ROS1: variants seen among roughly 807,000 people sequenced by gnomAD.
ROS1 encodes the protein ROS proto-oncogene 1, receptor tyrosine kinase, also known as proto-oncogene tyrosine-protein kinase ROS.
A neutral mutation model predicts 273.5 loss-of-function variants in ROS1; 263 were observed. The ratio of observed to expected loss-of-function variants is 0.96; its 90% confidence interval spans 0.87 to 1.06. The LOEUF is 1.06. ROS1 is among the 50% of genes least tolerant of loss of function. The pLI is 0.00. For missense variants in ROS1, 2,833 were observed against 2,751.1 expected (o/e 1.03, Z -0.67); for synonymous variants, 1,008 against 954.1 (o/e 1.06, Z -1.04).
rs1211231315 is a variant in ROS1, at chr6:117,324,393, T to C, written c.5562A>G (p.Thr1854=). Residue 1854 remains threonine, a synonymous_variant, in exon 35 of 44, where the codon ACA becomes ACG. Transcript: ENST00000368507. ...CAACTATAATAGTAAGTATGAAACT[T>C]GTTTCTGGTATCCAAAAATCATCTA... ...LVGDDFWIPE[T]SFILTIIVGI... 2 of 1,488,394 alleles carry C rather than the reference T, an allele frequency of 1.3e-6. No homozygotes were observed. The highest frequency in any genetic ancestry group is 1.9e-6 in the Non-Finnish European group (2 of 1,076,226). The allele number at this position is 1,488,394 out of a possible 1,614,324, so 92.2% of individuals were successfully genotyped here.
intron 43 of ROS1, among the ~76,000 whole-genome samples, chr6:117,300,429 A>G (rs1418617279): frequency 6.6e-6 from 1 of 152,140 alleles, no homozygotes; most frequent in Non-Finnish European, 1.5e-5. Flanking sequence ...AACAGAAAGA[A>G]AAATGCATTC....
rs771605740 is a variant in ROS1, at chr6:117,362,733, A to G, written c.3236T>C (p.Ile1079Thr). 3 of 1,613,666 alleles carry G rather than the reference A, an allele frequency of 1.9e-6. No homozygotes were observed. The highest frequency in any genetic ancestry group is 2.2e-5 in the East Asian group (1 of 44,866). ...HENGVLTKFE[I>T]FYNISNQSIT... ...ACTTTGATTGGATATATTGTAGAAA[A>G]TTTCAAATTTTGTTAACACCCCATT... Residue 1079 changes from isoleucine (I) to threonine (T), a missense_variant, in exon 22 of 44, where the codon ATT becomes ACT. By Grantham distance (89) the Ile-to-Thr change is moderately conservative. Transcript: ENST00000368507.
intron 33 of ROS1, chr6:117,328,635 T>A (rs1158099820): frequency 9.8e-6 from 5 of 509,158 alleles, no homozygotes; most frequent in Non-Finnish European, 2.0e-5. Flanking sequence ...CCTTGGAACT[T>A]CTTAAAAGAT....
intron 18 of ROS1, among the ~76,000 whole-genome samples, chr6:117,372,508 G>T (rs562581944): frequency 6.6e-6 from 1 of 152,154 alleles, no homozygotes; most frequent in Non-Finnish European, 1.5e-5. Flanking sequence ...CGTGGTGAGC[G>T]TTACAGTTCT....
intron 27 of ROS1, among the ~76,000 whole-genome samples, chr6:117,344,893 C>CA (rs1778248692): frequency 6.6e-6 from 1 of 152,144 alleles, no homozygotes; most frequent in Non-Finnish European, 1.5e-5. Flanking sequence ...TAGACCAGTG[C>CA]AGTAGCGCAA....
chr6:117,386,530 G>T (rs926462197), intron 15 of ROS1, among the ~76,000 whole-genome samples: 2 of 152,296 alleles, frequency 1.3e-5, no homozygotes, highest in Middle Eastern at 3.4e-3. Flanking sequence ...AGCAGTTTCT[G>T]CTCCTGTCTT....
chr6:117,364,816 C>T (rs924841177), intron 21 of ROS1, among the ~76,000 whole-genome samples: 9 of 152,174 alleles, frequency 5.9e-5, no homozygotes, highest in African/African-American at 2.2e-4. Flanking sequence ...GCATCTGCAT[C>T]TTCTACATCA....
intron 22 of ROS1, among the ~76,000 whole-genome samples, chr6:117,361,195 A>AT (rs143632057): frequency 1.3e-5 from 2 of 151,474 alleles, no homozygotes; most frequent in African/African-American, 2.4e-5. Context: ...AGTAAAGTTT[A>AT]TTTTTTTTCT....
chr6:117,339,109 G>T (rs188384247), intron 31 of ROS1, among the ~76,000 whole-genome samples: 1 of 152,134 alleles, frequency 6.6e-6, no homozygotes, highest in South Asian at 2.1e-4. Context: ...GATCAAGCTT[G>T]TCCAACTTTC....
At chr6:117,350,193 C>T (rs962823468) in intron 27 of ROS1, among the ~76,000 whole-genome samples, 5 of 152,022 alleles carry the variant, frequency 3.3e-5, no homozygotes, top group African/African-American at 9.7e-5. Flanking sequence ...AACAAATTCT[C>T]TCAATTTTTG....
At chr6:117,407,997 A>G (rs974948105) in intron 5 of ROS1, among the ~76,000 whole-genome samples, 31 of 152,190 alleles carry the variant, frequency 2.0e-4, no homozygotes, top group Admixed American at 1.4e-3. Context: ...TGCTGGGAAT[A>G]CTGGCTAGCC....
chr6:117,319,880 T>G lies in ROS1; in HGVS notation c.5910A>C (p.Lys1970Asn). Residue 1970 changes from lysine to asparagine, a missense_variant, in exon 37 of 44, where the codon AAA becomes AAC. By Grantham distance (94) the Lys-to-Asn change is moderately conservative. Transcript: ENST00000368507. ...DILGVGSGEIKVAVKTLKKGS... is the reference protein window; with the variant it reads ...DILGVGSGEINVAVKTLKKGS... ...AGATTCACATTACCTTCACTGCTAC[T>G]TTGATTTCTCCACTTCCAACTCCTA... 1 of 1,613,146 alleles carries G rather than the reference T, an allele frequency of 6.2e-7. No homozygotes were observed. Among genetic ancestry groups the G allele is most frequent in the Non-Finnish European group, 8.5e-7 (1 of 1,179,338 alleles).
intron 4 of ROS1, among the ~76,000 whole-genome samples, chr6:117,410,381 A>C (rs569733952): frequency 2.6e-5 from 4 of 152,224 alleles, no homozygotes; most frequent in African/African-American, 9.6e-5. Flanking sequence ...TTCCTTGGAA[A>C]ATTAAAAGTG....
At chr6:117,370,109 C>G (rs1409321064) in intron 18 of ROS1, among the ~76,000 whole-genome samples, 1 of 152,060 alleles carries the variant, frequency 6.6e-6, no homozygotes, top group Non-Finnish European at 1.5e-5. Context: ...ACATACACTC[C>G]TTTTTCAGGG....
At chr6:117,396,526 G>A (rs1021709688) in intron 8 of ROS1, among the ~76,000 whole-genome samples, 1 of 151,980 alleles carries the variant, frequency 6.6e-6, no homozygotes, top group Non-Finnish European at 1.5e-5. Flanking sequence ...ATTTAAAGAG[G>A]CTCTAGTAAA....
chr6:117,390,416 CA>C (rs1307151200), intron 12 of ROS1, among the ~76,000 whole-genome samples: 7 of 151,910 alleles, frequency 4.6e-5, no homozygotes, highest in African/African-American at 1.7e-4. Flanking sequence ...CATTAGCCAC[CA>C]GCCCTGGCCA....
chr6:117,320,546 G>A (rs1776223132), intron 36 of ROS1, among the ~76,000 whole-genome samples: 1 of 152,110 alleles, frequency 6.6e-6, no homozygotes, highest in Non-Finnish European at 1.5e-5. Flanking sequence ...TACAAGGGGG[G>A]AAAATGCTGC....
chr6:117,389,329 C>G (rs1426585643), intron 13 of ROS1, 21 bp downstream of exon 13: 1 of 1,596,056 alleles, frequency 6.3e-7, no homozygotes, highest in African/African-American at 1.3e-5. Flanking sequence ...CCAGTAACCA[C>G]ACTGGGGACA....
At chr6:117,416,543 T>A (rs1028528510) in intron 2 of ROS1, among the ~76,000 whole-genome samples, 1 of 151,964 alleles carries the variant, frequency 6.6e-6, no homozygotes, top group African/African-American at 2.4e-5. Flanking sequence ...GGCAGCAGAG[T>A]TGCTGAGTGG....
Sources: gnomAD v4.1 joint callset for allele counts (sites outside exome capture counted in the v4.1 genomes callset) on GRCh38, gnomAD v4.1.1 for gene constraint, MANE v1.5 for transcripts, NCBI Gene and HGNC (gene_info 2026-07-23, HGNC 2026-07-21) for gene names.